The following USP54 variants were observed in gnomAD, a reference collection of about 807,000 sequenced individuals.
USP54 encodes the protein ubiquitin carboxyl-terminal hydrolase 54.
USP54 carries 87 observed loss-of-function variants against 170.5 expected under a neutral mutation model. That is an observed-to-expected ratio of 0.51 (90% CI 0.43 to 0.61). The LOEUF is 0.61. Ranked by LOEUF, USP54 falls within the 20% of genes least tolerant of loss-of-function variation. The pLI is 0.00. For missense variants in USP54, 1,786 were observed against 2,047.8 expected (o/e 0.87, Z 2.47); for synonymous variants, 655 against 742.8 (o/e 0.88, Z 1.92).
intron 1 of USP54, among the ~76,000 whole-genome samples, chr10:73,576,992 A>T (rs2076203260): frequency 6.6e-6 from 1 of 152,232 alleles, no homozygotes. Context: ...TTTAATCTCC[A>T]GATTATATCC....
At chr10:73,547,592 A>G (rs1243734685) in intron 4 of USP54, among the ~76,000 whole-genome samples, 1 of 152,168 alleles carries the variant, frequency 6.6e-6, no homozygotes, top group Non-Finnish European at 1.5e-5. Flanking sequence ...ATCTACAACA[A>G]TCTGATCTTT....
Position 73,541,700 on chromosome 10 carries a change from G to A in USP54, c.611C>T (p.Pro204Leu), listed in dbSNP as rs773079420. 2 of 1,614,136 alleles carry A rather than the reference G, an allele frequency of 1.2e-6. No individual in the cohort carries two copies. Among genetic ancestry groups the A allele is most frequent in the Non-Finnish European group, 1.7e-6 (2 of 1,180,022 alleles). ...CAGCTCACCAAACATGCTTGGTGAAGGTTTCTCTCGTCTTTCCAGCATACA... is the reference window on the plus strand; with the variant it reads ...CAGCTCACCAAACATGCTTGGTGAAAGTTTCTCTCGTCTTTCCAGCATACA... ...AICMLERREK[P>L]SPSMFGELLQ... The change falls in exon 8 of 24, where the codon CCT (proline) becomes CTT (leucine). Residue 204 changes from proline to leucine, a missense_variant. This residue lies in a region of USP54 where 361 missense variants were observed against 455.0 expected (regional missense o/e 0.79). Coordinates refer to ENST00000687698, the MANE Select transcript of USP54 (RefSeq NM_001391956.1).
intron 4 of USP54, among the ~76,000 whole-genome samples, chr10:73,570,098 C>T (rs573446386): frequency 6.6e-6 from 1 of 151,902 alleles, no homozygotes; most frequent in East Asian, 1.9e-4. Context: ...ATCCAAACAT[C>T]CCTGTAACAA....
At chr10:73,563,591 C>T (rs1334721749) in intron 4 of USP54, among the ~76,000 whole-genome samples, 1 of 152,136 alleles carries the variant, frequency 6.6e-6, no homozygotes, top group East Asian at 1.9e-4. Context: ...GCATGCACCA[C>T]CACGCCCAGC....
At chr10:73,567,311 T>C (rs1233785665) in intron 4 of USP54, among the ~76,000 whole-genome samples, 1 of 152,256 alleles carries the variant, frequency 6.6e-6, no homozygotes, top group Non-Finnish European at 1.5e-5. Context: ...TCATATTTAC[T>C]GCATATACTT....
At chr10:73,531,758 A>G (rs2064018451) in intron 12 of USP54, among the ~76,000 whole-genome samples, 2 of 152,220 alleles carry the variant, frequency 1.3e-5, no homozygotes, top group Non-Finnish European at 2.9e-5. Context: ...GTTCCTTAAT[A>G]CTAATCACTG....
At chr10:73,529,980 C>G (rs1262628647) in intron 14 of USP54, 69 bp from the exon 15 acceptor site, 26 of 1,495,062 alleles carry the variant, frequency 1.7e-5, no homozygotes, top group Non-Finnish European at 2.2e-5. Context: ...CAAGACCTAA[C>G]TAGCTCCTCC....
intron 4 of USP54, among the ~76,000 whole-genome samples, chr10:73,569,141 G>A (rs2074476123): frequency 6.6e-6 from 1 of 152,116 alleles, no homozygotes; most frequent in South Asian, 2.1e-4. Context: ...ACTTCTCCAG[G>A]ATGCACATTT....
rs746363588 is a variant in USP54, at chr10:73,498,665, C to G, written c.5019G>C (p.Gln1673His). 6.3e-7 allele frequency: 1 copy of G among 1,578,006 alleles called. No homozygotes were observed. Among genetic ancestry groups the G allele is most frequent in the East Asian group, 2.2e-5 (1 of 44,506 alleles). Residue 1673 changes from glutamine to histidine, a missense_variant, in exon 24 of 24, where the codon CAG becomes CAC. By Grantham distance (24) the Gln-to-His change is conservative. Transcript: ENST00000687698. ...TGTGCTGCAGGACTCTAGCCCTGAT[C>G]TGCTCTCTTCTGGGAGCATCTGATA... Reference protein sequence around the residue: ...FVLSDAPRREQIRARVLQHSQ... With the variant: ...FVLSDAPRREHIRARVLQHSQ...
chr10:73,539,981 C>G (rs1033583850), intron 9 of USP54, among the ~76,000 whole-genome samples: 1 of 151,946 alleles, frequency 6.6e-6, no homozygotes, highest in Non-Finnish European at 1.5e-5. Flanking sequence ...CAAAAATCAG[C>G]TGGGTGTGGT....
chr10:73,530,077 C>A, intron 14 of USP54, 66 bp downstream of exon 14: 2 of 1,531,714 alleles, frequency 1.3e-6, no homozygotes, highest in Non-Finnish European at 1.7e-6. Context: ...CCAAAAAACC[C>A]AGGTTTTAAA....
chr10:73,519,515 T>A, intron 19 of USP54: 3 of 414,540 alleles, frequency 7.2e-6, no homozygotes, highest in South Asian at 2.6e-5. Context: ...TATACAAATA[T>A]AATAATCGCG....
chr10:73,532,378 T>C (rs2064189025), intron 12 of USP54, among the ~76,000 whole-genome samples: 1 of 152,152 alleles, frequency 6.6e-6, no homozygotes, highest in South Asian at 2.1e-4. Context: ...GGTTTCACCA[T>C]GTTAGCCAGG....
In USP54 at chr10:73,530,299, C is replaced by T. The variant is rs1260042553; in HGVS notation, c.1672G>A (p.Glu558Lys). ...GATTTTGACTCACTGCTGGTACTCT[C>T]TATTTCCCAGTCACGAGAGTGTAAA... ...LPLHSRDWEI[E>K]STSSESKSSS... Residue 558 changes from glutamate (E) to lysine (K), a missense_variant, in exon 14 of 24, where the codon GAG becomes AAG. This residue lies in a region of USP54 where 1,418 missense variants were observed against 1,569.0 expected (regional missense o/e 0.90). Transcript: ENST00000687698. 6.2e-7 allele frequency: 1 copy of T among 1,614,060 alleles called. No individual in the cohort carries two copies. The highest frequency in any genetic ancestry group is 1.3e-5 in the African/African-American group (1 of 74,934).
chr10:73,552,487 A>G (rs2069701573), intron 4 of USP54, among the ~76,000 whole-genome samples: 1 of 151,534 alleles, frequency 6.6e-6, no homozygotes, highest in African/African-American at 2.4e-5. Flanking sequence ...ACACACACAC[A>G]TATATATATA....
chr10:73,505,030 C>G, intron 21 of USP54, 40 bp from the exon 22 acceptor site: 1 of 1,612,302 alleles, frequency 6.2e-7, no homozygotes, highest in Non-Finnish European at 8.5e-7. Flanking sequence ...CACATAATAC[C>G]AGACTTATGG....
Position 73,572,520 on chromosome 10 carries a change from T to G in USP54, c.148-1007A>C, listed in dbSNP as rs141032399. 3.7e-3 allele frequency among the ~76,000 whole-genome samples: 560 copies of G among 152,298 alleles called. 13 individuals are homozygous for G. The highest frequency in any genetic ancestry group is 9.1e-4 in the Non-Finnish European group (62 of 68,016). On this transcript the variant is annotated intron_variant, in intron 3 of 23. Transcript: ENST00000687698. ...CAGATGACAGCACACCTCCGGAGCTTCTTCTTACTTATATGTCTCAAGATA... is the reference window on the plus strand; with the variant it reads ...CAGATGACAGCACACCTCCGGAGCTGCTTCTTACTTATATGTCTCAAGATA...
chr10:73,525,456 A>G (rs1290226950), intron 16 of USP54, among the ~76,000 whole-genome samples: 1 of 152,216 alleles, frequency 6.6e-6, no homozygotes, highest in Non-Finnish European at 1.5e-5. Flanking sequence ...TTACCAGTTG[A>G]AGAACGCTGT....
chr10:73,589,318 A>G (rs775347720), intron 1 of USP54, among the ~76,000 whole-genome samples: 6 of 152,206 alleles, frequency 3.9e-5, no homozygotes, highest in African/African-American at 7.2e-5. Context: ...AGGTCTACAG[A>G]AGAAAGATAC....
Sources: gnomAD v4.1 joint callset for allele counts (sites outside exome capture counted in the v4.1 genomes callset) on GRCh38, gnomAD v4.1.1 for gene constraint, gnomAD v4.1.1 regional missense constraint, MANE v1.5 for transcripts, NCBI Gene and HGNC (gene_info 2026-07-23, HGNC 2026-07-21) for gene names.